Variants in ABCA9 observed in about 807,000 individuals in gnomAD.
ABCA9 encodes ATP binding cassette subfamily A member 9.
A neutral mutation model predicts 205.3 loss-of-function variants in ABCA9; 183 were observed. That is an observed-to-expected ratio of 0.89 (90% CI 0.79 to 1.01). ABCA9 has a LOEUF of 1.01. Among genes scored for constraint, ABCA9 ranks in the 50% least tolerant of loss-of-function variants. The pLI is 0.00. For missense variants in ABCA9, 1,805 were observed against 1,912.4 expected, an observed-to-expected ratio of 0.94 and a Z score of 1.05; for synonymous variants, 651 against 683.3, an observed-to-expected ratio of 0.95 and a Z score of 0.74.
At chr17:69,030,188 A>G (rs1484274813) in intron 10 of ABCA9, among the ~76,000 whole-genome samples, 5 of 152,214 alleles carry the variant, frequency 3.3e-5, no homozygotes, top group Non-Finnish European at 7.3e-5. Context: ...GCTATAACAA[A>G]ATACCATAGA....
rs1234709113 is a variant in ABCA9, at chr17:69,060,883, G to GA, written c.-32dup. 12 of 985,272 alleles carry GA rather than the reference G, an allele frequency of 1.2e-5. No individual in the cohort carries two copies. Among genetic ancestry groups the GA allele is most frequent in the African/African-American group, 7.0e-5 (4 of 57,226 alleles). The allele number at this position is 985,272 out of a possible 1,614,324, so 61.0% of individuals were successfully genotyped here. ...TAACTTACTCTCAGGAAAGCTGGAG[G>GA]AAAAATCTAGAAACACAGTTCATCC... On this transcript the variant is annotated 5_prime_UTR_variant, in exon 1 of 39. The change abolishes the stop of an existing upstream ORF in the 5' untranslated region. Coordinates refer to ENST00000340001, the MANE Select transcript of ABCA9 (RefSeq NM_080283.4).
At chr17:69,054,909 A>G (rs1158551352) in intron 1 of ABCA9, among the ~76,000 whole-genome samples, 1 of 152,172 alleles carries the variant, frequency 6.6e-6, no homozygotes, top group Non-Finnish European at 1.5e-5. Context: ...TATATATTGC[A>G]AACTCTAAGG....
chr17:69,007,857 C>T lies in ABCA9; in HGVS notation c.3337G>A (p.Gly1113Ser). 1 of 1,597,094 alleles carries T rather than the reference C, an allele frequency of 6.3e-7. No homozygotes were observed. Residue 1113 changes from glycine to serine, a missense_variant, in exon 25 of 39, where the codon GGC (glycine) becomes AGC (serine). Coordinates refer to ENST00000340001, the MANE Select transcript of ABCA9 (RefSeq NM_080283.4). ...AAGAAAACAAGAGATGAGACATAGCCAATACTACACAGGATCTGAAAACAG... is the reference window on the plus strand; with the variant it reads ...AAGAAAACAAGAGATGAGACATAGCTAATACTACACAGGATCTGAAAACAG... ...NLLIQILCSI[G>S]YVSSLVFLTY...
chr17:69,065,332 TGC>T, upstream of ABCA9, among the ~76,000 whole-genome samples: 1 of 152,256 alleles, frequency 6.6e-6, no homozygotes, highest in East Asian at 1.9e-4. Context: ...GTCTATCCTT[TGC>T]TTATCTGCCA....
chr17:69,066,823 T>C, the ABCA9 span, among the ~76,000 whole-genome samples: 1 of 152,056 alleles, frequency 6.6e-6, no homozygotes, highest in Non-Finnish European at 1.5e-5. Flanking sequence ...GAGTGGAAGA[T>C]TGCCTTAGAC....
chr17:69,004,726 C>CAA, intron 25 of ABCA9: 1 of 163,410 alleles, frequency 6.1e-6, no homozygotes, highest in East Asian at 1.8e-4. Context: ...TGCCGCCTTG[C>CAA]AGTTTGATCT....
At chr17:69,011,286 A>G (rs758743415) in intron 23 of ABCA9, among the ~76,000 whole-genome samples, 1 of 152,178 alleles carries the variant, frequency 6.6e-6, no homozygotes, top group Non-Finnish European at 1.5e-5. Context: ...CCCCAAAAAA[A>G]GTGTGAGAAA....
chr17:69,018,348 G>T, intron 20 of ABCA9, 65 bp downstream of exon 20: 1 of 1,349,450 alleles, frequency 7.4e-7, no homozygotes, highest in Non-Finnish European at 9.8e-7. Context: ...GGCTGTTCAT[G>T]TTTTTTGGGG....
At chr17:69,018,982 T>A (rs1202287161) in intron 19 of ABCA9, among the ~76,000 whole-genome samples, 1 of 152,156 alleles carries the variant, frequency 6.6e-6, no homozygotes, top group African/African-American at 2.4e-5. Context: ...TTTCTGTAAA[T>A]TACAGCATTT....
intron 36 of ABCA9, 127 bp downstream of exon 36, chr17:68,983,582 T>C: frequency 7.5e-7 from 1 of 1,327,800 alleles, no homozygotes; most frequent in Non-Finnish European, 1.0e-6. Flanking sequence ...TGAATTTCTC[T>C]TAAGTAAAGT....
intron 6 of ABCA9, 139 bp from the exon 7 acceptor site, chr17:69,035,940 T>C: frequency 1.9e-6 from 2 of 1,025,942 alleles, no homozygotes; most frequent in Non-Finnish European, 2.8e-6. Context: ...ACTTATCTCC[T>C]ACCCTCAGGA....
upstream of ABCA9, among the ~76,000 whole-genome samples, chr17:69,064,752 G>C (rs2072328482): frequency 6.6e-6 from 1 of 152,124 alleles, no homozygotes; most frequent in African/African-American, 2.4e-5. Context: ...GACATTATAG[G>C]TGTTTGTAAA....
chr17:69,037,596 G>A (rs2071387386), intron 6 of ABCA9, among the ~76,000 whole-genome samples: 2 of 152,108 alleles, frequency 1.3e-5, no homozygotes, highest in Non-Finnish European at 1.5e-5. Context: ...AGCACTAAAT[G>A]CCCACAGGAG....
intron 37 of ABCA9, among the ~76,000 whole-genome samples, chr17:68,980,531 A>T (rs938260480): frequency 6.6e-6 from 1 of 152,096 alleles, no homozygotes; most frequent in Non-Finnish European, 1.5e-5. Flanking sequence ...ACTTGGAACC[A>T]ACCCACATGT....
rs199584311 is a variant in ABCA9 at position 68,989,800 on chromosome 17, T to C, written c.3955+13A>G. On this transcript the variant is annotated intron_variant, in intron 30 of 38. Coordinates refer to ENST00000340001, the MANE Select transcript of ABCA9 (RefSeq NM_080283.4). ...TTCAAGATTGCTCTACTAATGGAACTACTGTTTCCAACCTTTTTTAACACA... is the reference window on the plus strand; with the variant it reads ...TTCAAGATTGCTCTACTAATGGAACCACTGTTTCCAACCTTTTTTAACACA... 4.4e-5 allele frequency: 64 copies of C among 1,444,084 alleles called. 1 individual carries two copies. In the East Asian group the frequency reaches 1.3e-3, roughly 30 times the overall value. The allele number at this position is 1,444,084 out of a possible 1,614,324, so 89.5% of individuals were successfully genotyped here.
chr17:69,044,189 G>C (rs1346067302), intron 5 of ABCA9, among the ~76,000 whole-genome samples: 1 of 152,030 alleles, frequency 6.6e-6, no homozygotes, highest in Non-Finnish European at 1.5e-5. Context: ...GGGCAACAGA[G>C]TAAAACTTTG....
intron 3 of ABCA9, among the ~76,000 whole-genome samples, chr17:69,046,935 T>C (rs1325558043): frequency 1.0e-5 from 1 of 98,776 alleles, no homozygotes; most frequent in Non-Finnish European, 2.6e-5. Context: ...ATATAGAAAA[T>C]TTTATATATA....
intron 38 of ABCA9, 27 bp from the exon 39 acceptor site, chr17:68,976,040 A>T: frequency 6.2e-7 from 1 of 1,610,732 alleles, no homozygotes; most frequent in Non-Finnish European, 8.5e-7. Flanking sequence ...AAATAAAGAG[A>T]GGAGAACAAT....
the ABCA9 span, among the ~76,000 whole-genome samples, chr17:69,066,870 T>C: frequency 3.9e-5 from 6 of 152,320 alleles, no homozygotes; most frequent in East Asian, 1.9e-4. Context: ...CCTTAAGAAA[T>C]GCTCCTTGAA....
Sources: allele counts gnomAD v4.1 joint callset (sites outside exome capture counted in the v4.1 genomes callset), GRCh38; gene constraint gnomAD v4.1.1; transcripts MANE v1.5; gene names NCBI Gene and HGNC (gene_info 2026-07-23, HGNC 2026-07-21).